BZW2: variants seen among roughly 807,000 people sequenced by gnomAD.
BZW2 encodes the protein basic leucine zipper and W2 domains 2, also known as eIF5-mimic protein 1.
A neutral mutation model predicts 53.2 loss-of-function variants in BZW2; 23 were observed. The ratio of observed to expected loss-of-function variants is 0.43; its 90% CI spans 0.31 to 0.61. BZW2 has a LOEUF of 0.61. BZW2 is among the 20% of genes least tolerant of loss of function. BZW2 has a pLI of 0.09. For missense variants in BZW2, 409 were observed against 503.1 expected, an observed-to-expected ratio of 0.81 and a Z score of 1.79; for synonymous variants, 227 against 186.4, an observed-to-expected ratio of 1.22 and a Z score of -1.77.
intron 8 of BZW2, among the ~76,000 whole-genome samples, chr7:16,695,243 T>A (rs997560908): frequency 6.6e-6 from 1 of 152,234 alleles, no homozygotes; most frequent in Admixed American, 6.5e-5. Flanking sequence ...CTGACTTATT[T>A]TACCAGGCTG....
intron 3 of BZW2, among the ~76,000 whole-genome samples, chr7:16,678,157 C>T (rs1467905484): frequency 6.8e-6 from 1 of 147,416 alleles, no homozygotes; most frequent in East Asian, 2.0e-4. Flanking sequence ...GCAACTTCCG[C>T]CTCCTGGAAT....
At chr7:16,657,984 A>G (rs549510625) in intron 1 of BZW2, among the ~76,000 whole-genome samples, 1 of 152,350 alleles carries the variant, frequency 6.6e-6, no homozygotes, top group Admixed American at 6.5e-5. Context: ...CTAAAAGCCA[A>G]AGTATGCTAC....
intron 1 of BZW2, among the ~76,000 whole-genome samples, chr7:16,651,248 T>A (rs1021768145): frequency 6.6e-6 from 1 of 152,206 alleles, no homozygotes; most frequent in Non-Finnish European, 1.5e-5. Context: ...AGATGAGAAC[T>A]TTAAAAAATA....
In BZW2 at chr7:16,701,850, A is replaced by C. The variant is rs181305120; in HGVS notation, c.1109-2697A>C. Among the ~76,000 whole-genome samples, 16 of 152,244 alleles carry C rather than the reference A, an allele frequency of 1.1e-4. No individual in the cohort carries two copies. In the East Asian group the frequency reaches 3.1e-3, roughly 29 times the overall value. On this transcript the variant is annotated intron_variant, in intron 10 of 11. Coordinates refer to ENST00000258761, the MANE Select transcript of BZW2 (RefSeq NM_014038.3). ...GATGTAGAAGAAAACAAAGAATTAC[A>C]CTCACCATGTCAATTGCTGAAATAA...
intron 10 of BZW2, 157 bp downstream of exon 10, chr7:16,698,343 T>C: frequency 9.9e-7 from 1 of 1,006,718 alleles, no homozygotes; most frequent in Non-Finnish European, 1.5e-6. Flanking sequence ...CCATACCATG[T>C]AGAGAGAGGA....
At chr7:16,669,306 T>C (rs1199295674) in intron 2 of BZW2, among the ~76,000 whole-genome samples, 1 of 152,128 alleles carries the variant, frequency 6.6e-6, no homozygotes. Flanking sequence ...TTGTATTTTT[T>C]AGTAAACCTG....
chr7:16,676,297 C>A (rs1163894845), intron 3 of BZW2, among the ~76,000 whole-genome samples: 1 of 152,072 alleles, frequency 6.6e-6, no homozygotes, highest in Non-Finnish European at 1.5e-5. Context: ...ACCTGTAATC[C>A]CAGCACTTTG....
At chr7:16,698,421 G>A (rs781222652) in intron 10 of BZW2, 1 of 428,786 alleles carries the variant, frequency 2.3e-6, no homozygotes, top group Non-Finnish European at 4.2e-6. Context: ...CTCATTGGTA[G>A]ATGAACTGGT....
intron 10 of BZW2, 60 bp from the exon 11 acceptor site, chr7:16,704,487 A>G (rs578190664): frequency 1.4e-6 from 2 of 1,437,574 alleles, no homozygotes; most frequent in East Asian, 2.3e-5. Context: ...TAATACATGA[A>G]GTTGTTTTGA....
chr7:16,679,365 G>A (rs1244542638), intron 3 of BZW2, among the ~76,000 whole-genome samples: 2 of 152,168 alleles, frequency 1.3e-5, no homozygotes, highest in Admixed American at 6.5e-5. Flanking sequence ...CGGTCCCTCC[G>A]TTCAGGTTCC....
At chr7:16,701,243 T>C (rs1189552381) in intron 10 of BZW2, among the ~76,000 whole-genome samples, 1 of 152,174 alleles carries the variant, frequency 6.6e-6, no homozygotes, top group Non-Finnish European at 1.5e-5. Flanking sequence ...AGCATCACAT[T>C]ATTGACTTTT....
chr7:16,655,854 C>T (rs1320201191), intron 1 of BZW2, among the ~76,000 whole-genome samples: 1 of 152,110 alleles, frequency 6.6e-6, no homozygotes, highest in Non-Finnish European at 1.5e-5. Flanking sequence ...TTTGCCATTG[C>T]TCCAGGGTTC....
intron 2 of BZW2, among the ~76,000 whole-genome samples, chr7:16,671,531 T>C (rs1782599234): frequency 6.6e-6 from 1 of 152,172 alleles, no homozygotes. Context: ...GTCTTGTTTT[T>C]TCCCTCTTGC....
rs867542878 is a variant in BZW2 at position 16,699,761 on chromosome 7, G to C, written c.1108+1575G>C. ...GCACATGAACTATTAAAATCCTTCA[G>C]ATTTCTCATTTTAACCACTAATGCC... On this transcript the variant is annotated intron_variant, in intron 10 of 11. Transcript: ENST00000258761. 2.0e-5 allele frequency among the ~76,000 whole-genome samples: 3 copies of C among 152,216 alleles called. No individual in the cohort carries two copies. In the South Asian group the frequency reaches 6.2e-4, roughly 32 times the overall value.
chr7:16,684,265 C>G (rs1423828803), intron 5 of BZW2, among the ~76,000 whole-genome samples: 1 of 152,166 alleles, frequency 6.6e-6, no homozygotes, highest in Non-Finnish European at 1.5e-5. Flanking sequence ...TACTTAATAT[C>G]TTTGTACCTT....
chr7:16,665,360 A>C (rs1392481486), intron 1 of BZW2, 77 bp from the exon 2 acceptor site: 1 of 1,566,546 alleles, frequency 6.4e-7, no homozygotes, highest in East Asian at 2.2e-5. Flanking sequence ...CATATGTTCA[A>C]CCAAACTTAT....
intron 5 of BZW2, 47 bp from the exon 6 acceptor site, chr7:16,685,858 T>C: frequency 6.7e-7 from 1 of 1,483,412 alleles, no homozygotes; most frequent in South Asian, 1.3e-5. Context: ...TGGTTCCTTT[T>C]TTTTTCTTTT....
intron 10 of BZW2, among the ~76,000 whole-genome samples, chr7:16,701,759 C>T (rs377412854): frequency 2.1e-4 from 32 of 152,248 alleles, no homozygotes; most frequent in African/African-American, 6.7e-4. Flanking sequence ...TACTATAGGG[C>T]AGGTCTTTCA....
chr7:16,665,157 T>TTAGCTGGGC (rs548411505), intron 1 of BZW2, among the ~76,000 whole-genome samples: 289 of 152,176 alleles, frequency 1.9e-3, no homozygotes, highest in African/African-American at 6.5e-3. Context: ...AATACAAAAA[T>TTAGCTGGGC]TAGCTGGGCG....
Sources: allele counts gnomAD v4.1 joint callset (sites outside exome capture counted in the v4.1 genomes callset), GRCh38; gene constraint gnomAD v4.1.1; transcripts MANE v1.5; gene names NCBI Gene and HGNC (gene_info 2026-07-23, HGNC 2026-07-21).